BIRC6: variants seen among roughly 807,000 people sequenced by gnomAD.
BIRC6 encodes dual E2 ubiquitin-conjugating enzyme/E3 ubiquitin-protein ligase BIRC6.
BIRC6 carries 98 observed loss-of-function variants against 503.3 expected under a neutral mutation model. The observed-to-expected ratio is 0.19, with a 90% CI of 0.17 to 0.23. BIRC6 has a LOEUF of 0.23. Ranked by LOEUF, BIRC6 falls within the 10% of genes least tolerant of loss-of-function variation. The probability of loss-of-function intolerance (pLI) is 1.00; values close to 1 mark genes in which losing one functional copy is unlikely to be tolerated. For missense variants in BIRC6, 5,360 were observed against 5,806.0 expected, an observed-to-expected ratio of 0.92 and a Z score of 2.50; for synonymous variants, 2,240 against 2,078.7, an observed-to-expected ratio of 1.08 and a Z score of -2.11.
chr2:32,597,259 A>T (rs2061733757), intron 68 of BIRC6, among the ~76,000 whole-genome samples: 2 of 152,230 alleles, frequency 1.3e-5, no homozygotes, highest in African/African-American at 4.8e-5. Flanking sequence ...CATATGCAAC[A>T]TCTCAGTGGC....
In BIRC6 at chr2:32,502,786, A is replaced by G; in HGVS notation, c.9208-9A>G. ...TATAAAGTCATAATATGCATATTTC[A>G]TTTTTTAGGGCTCTCTTGCTACTTG... On this transcript the variant is annotated splice_polypyrimidine_tract_variant and intron_variant, in intron 47 of 73. Coordinates refer to ENST00000421745, the MANE Select transcript of BIRC6 (RefSeq NM_016252.4). 1 of 1,602,240 alleles carries G rather than the reference A, an allele frequency of 6.2e-7. No individual in the cohort carries two copies. Among genetic ancestry groups the G allele is most frequent in the South Asian group, 1.1e-5 (1 of 89,500 alleles).
At chr2:32,371,142 G>A (rs1392043737) in intron 1 of BIRC6, among the ~76,000 whole-genome samples, 1 of 148,412 alleles carries the variant, frequency 6.7e-6, no homozygotes, top group Non-Finnish European at 1.5e-5. Context: ...GAGCCTGGGA[G>A]GCAGAGGTTG....
At chr2:32,545,500 G>GT (rs1341559752) in intron 62 of BIRC6, 143 bp from the exon 63 acceptor site, 2 of 685,614 alleles carry the variant, frequency 2.9e-6, no homozygotes, top group East Asian at 2.6e-5. Context: ...TATTACTGTT[G>GT]TATTTGTGGT....
intron 36 of BIRC6, among the ~76,000 whole-genome samples, chr2:32,479,147 A>G (rs979437180): frequency 3.9e-5 from 6 of 152,238 alleles, no homozygotes; most frequent in African/African-American, 7.2e-5. Context: ...TTTTCTTCAT[A>G]TATAACATAA....
chr2:32,388,917 A>G lies in BIRC6; in HGVS notation c.813A>G (p.Gly271=). ...TACCTAGTGCACGTCCAGAACTCGGAGTGGGGCCAGGCCGTTCTGTAGACA... is the reference window on the plus strand; with the variant it reads ...TACCTAGTGCACGTCCAGAACTCGGGGTGGGGCCAGGCCGTTCTGTAGACA... ...YLLPSARPEL[G]VGPGRSVDRS... Residue 271 remains glycine, a synonymous_variant, in exon 4 of 74, where the codon GGA becomes GGG. Transcript: ENST00000421745. The G allele has an allele frequency of 6.2e-7, 1 of 1,603,972 alleles. No homozygotes were observed. The highest frequency in any genetic ancestry group is 1.1e-5 in the South Asian group (1 of 89,388).
intron 65 of BIRC6, among the ~76,000 whole-genome samples, chr2:32,568,646 C>CCA (rs1427457720): frequency 1.3e-5 from 2 of 151,838 alleles, no homozygotes; most frequent in African/African-American, 4.8e-5. Context: ...TAGTTCGAGA[C>CCA]CAGCCAAGCC....
chr2:32,459,326 A>G (rs1333971200), intron 23 of BIRC6, among the ~76,000 whole-genome samples: 4 of 152,204 alleles, frequency 2.6e-5, no homozygotes, highest in Non-Finnish European at 4.4e-5. Context: ...ATCTACGGGT[A>G]AAGATTTAGG....
intron 23 of BIRC6, among the ~76,000 whole-genome samples, chr2:32,460,905 C>G (rs2047820518): frequency 6.6e-6 from 1 of 151,778 alleles, no homozygotes; most frequent in South Asian, 2.1e-4. Context: ...GGATTAATAG[C>G]TGTCGATTTG....
intron 65 of BIRC6, among the ~76,000 whole-genome samples, chr2:32,552,752 G>A (rs990620697): frequency 1.3e-5 from 2 of 152,040 alleles, no homozygotes; most frequent in African/African-American, 2.4e-5. Context: ...AGCCAAGATC[G>A]TGCCACTGCA....
chr2:32,518,892 A>G lies in BIRC6; in HGVS notation c.11569A>G (p.Thr3857Ala). 1 of 1,613,770 alleles carries G rather than the reference A, an allele frequency of 6.2e-7. No individual in the cohort carries two copies. Among genetic ancestry groups the G allele is most frequent in the South Asian group, 1.1e-5 (1 of 91,078 alleles). The change falls in exon 57 of 74, where the codon ACT becomes GCT. Residue 3857 changes from threonine (T) to alanine (A), a missense_variant. Thr to Ala is a moderately conservative substitution (Grantham distance 58). Around this residue, in one of 16 missense-constraint regions of BIRC6, gnomAD observed 878 missense variants for 928.9 expected, o/e 0.95. Coordinates refer to ENST00000421745, the MANE Select transcript of BIRC6 (RefSeq NM_016252.4). ...GTATGGAGCAGGCCACAAATTCCGTACTCTTCATTTGCCAGTCTCAACAAC... is the reference window on the plus strand; with the variant it reads ...GTATGGAGCAGGCCACAAATTCCGTGCTCTTCATTTGCCAGTCTCAACAAC... Reference protein sequence around the residue: ...PMYGAGHKFRTLHLPVSTTLS... With the variant: ...PMYGAGHKFRALHLPVSTTLS...
intron 65 of BIRC6, chr2:32,563,374 G>A (rs966782022): frequency 6.6e-6 from 1 of 152,046 alleles, no homozygotes; most frequent in Non-Finnish European, 1.5e-5. Context: ...TAAAATGGGG[G>A]GGCAGGAGAA....
Position 32,503,232 on chromosome 2 carries a change from C to T in BIRC6, c.9495C>T (p.Pro3165=), listed in dbSNP as rs772769567. The change falls in exon 49 of 74, where the codon CCC becomes CCT. Residue 3165 remains proline (P), a synonymous_variant. Transcript: ENST00000421745. ...DNAEGIHNFA[P]LGTITSSSPT... ...CTGAAGGGATTCATAACTTTGCACC[C>T]CTCGGTAAGAAAAGTGTTACTAAAT... 1.9e-6 allele frequency: 3 copies of T among 1,596,614 alleles called. No homozygotes were observed. The South Asian group carries it at 3.4e-5, about 18-fold the overall frequency.
At chr2:32,462,748 G>T (rs959885406) in intron 23 of BIRC6, among the ~76,000 whole-genome samples, 25 of 152,182 alleles carry the variant, frequency 1.6e-4, no homozygotes, top group African/African-American at 5.8e-4. Context: ...TTGAGGCCAG[G>T]AGTTCCAGAC....
intron 73 of BIRC6, among the ~76,000 whole-genome samples, chr2:32,613,684 A>G (rs1430781534): frequency 1.3e-5 from 2 of 152,190 alleles, no homozygotes; most frequent in Admixed American, 6.6e-5. Flanking sequence ...TCATTTCAGT[A>G]TAAGCATTTC....
In BIRC6 at chr2:32,361,255, T is replaced by G. The variant is rs192052209; in HGVS notation, c.325+3769T>G. Among the ~76,000 whole-genome samples the G allele has an allele frequency of 7.5e-3, 1,136 of 152,222 alleles. 8 individuals carry two copies. The highest frequency in any genetic ancestry group is 0.012 in the Non-Finnish European group (785 of 67,998). ...CAGCCCTAATATATACAGTATAAAC[T>G]CGAGTATTTTTGATTGGATGCATAT... is the stretch of plus-strand genomic sequence containing the variant. On this transcript the variant is annotated intron_variant, in intron 1 of 73. Transcript: ENST00000421745.
chr2:32,464,306 A>G (rs1180561601), intron 24 of BIRC6, among the ~76,000 whole-genome samples: 1 of 152,212 alleles, frequency 6.6e-6, no homozygotes, highest in African/African-American at 2.4e-5. Context: ...TCCCAAATGC[A>G]CAGGAAATTT....
chr2:32,518,190 C>G (rs558113865), intron 55 of BIRC6, 64 bp from the exon 56 acceptor site: 1 of 1,421,266 alleles, frequency 7.0e-7, no homozygotes, highest in East Asian at 2.4e-5. Flanking sequence ...TCCTTTTTAT[C>G]TTTCAAAATA....
intron 66 of BIRC6, among the ~76,000 whole-genome samples, chr2:32,578,288 A>T (rs1472457011): frequency 6.6e-6 from 1 of 151,972 alleles, no homozygotes; most frequent in Non-Finnish European, 1.5e-5. Context: ...TTTTTCCCTT[A>T]CAGTGTATAC....
At chr2:32,519,362 C>T (rs2055391746) in intron 57 of BIRC6, 1 of 171,590 alleles carries the variant, frequency 5.8e-6, no homozygotes, top group Non-Finnish European at 1.3e-5. Context: ...GACTGGTCAC[C>T]TCATTGTTTA....
Sources: allele counts gnomAD v4.1 joint callset (sites outside exome capture counted in the v4.1 genomes callset), GRCh38; gene constraint gnomAD v4.1.1; regional missense constraint gnomAD v4.1.1; transcripts MANE v1.5; gene names NCBI Gene and HGNC (gene_info 2026-07-23, HGNC 2026-07-21).